Variants in MEG3 observed in about 807,000 individuals in gnomAD.
MEG3 encodes the protein Very putative protein from MEG3 locus.
Position 100,850,603 on chromosome 14 carries a change from C to CAAAA in MEG3, n.3121+5073_3121+5076dup, listed in dbSNP as rs778741543. On this transcript the variant is annotated intron_variant and non_coding_transcript_variant, in intron 3 of 3. Coordinates refer to the MEG3 transcript ENST00000398461. ...TACAGAGCAAGACACTATCTTAGAT[C>CAAAA]AAAAAAGAAAAAAAAAAAAAGAAGG... 1.6e-3 allele frequency: 152 copies of CAAAA among 97,968 alleles called. 1 individual carries two copies. The highest frequency in any genetic ancestry group is 6.4e-3 in the African/African-American group (141 of 22,004). The allele number at this position is 97,968 out of a possible 1,614,324, so 6.1% of individuals were successfully genotyped here. A position where few individuals can be genotyped will look rare whatever the true frequency, so the allele number is the denominator to read the frequency against.
chr14:100,834,850 AG>A, exon 1 of MEG3: 3 of 456,174 alleles, frequency 6.6e-6, no homozygotes, highest in Non-Finnish European at 1.3e-5. Flanking sequence ...TTCATTTTTG[AG>A]AGGTGTGTGA....
At chr14:100,859,654 C>A (rs976822195) in exon 1 of MEG3, 1 of 146,434 alleles carries the variant, frequency 6.8e-6, no homozygotes, top group African/African-American at 2.5e-5. Flanking sequence ...TCCAGAAAAC[C>A]GGGGGTGGAG....
chr14:100,854,014 A>G (rs1013543554), upstream of MEG3: 2 of 152,268 alleles, frequency 1.3e-5, no homozygotes, highest in African/African-American at 4.8e-5. Context: ...GATGGATAAG[A>G]GGGTGGAAGG....
At position 100,837,470 on chromosome 14, in the gene MEG3, C is replaced by A. The variant is rs1595271521; in HGVS notation, n.3045+1170C>A. ...ACCGTGGGGTGAGGCTGGCTCCATT[C>A]CCCCAGACATTTATGGAGGCTTGAG... On this transcript the variant is annotated intron_variant and non_coding_transcript_variant, in intron 2 of 3. Transcript: ENST00000398461. The surrounding 1 kb of genome is among the most constrained non-coding windows in gnomAD (Gnocchi z 5.8). Among the ~76,000 whole-genome samples, 1 of 152,098 alleles carries A rather than the reference C, an allele frequency of 6.6e-6. No homozygotes were observed. Among genetic ancestry groups the A allele is most frequent in the Non-Finnish European group, 1.5e-5 (1 of 68,010 alleles).
At chr14:100,844,124 C>T (rs143463297) in intron 2 of MEG3, among the ~76,000 whole-genome samples, 1 of 152,162 alleles carries the variant, frequency 6.6e-6, no homozygotes, top group Admixed American at 6.5e-5. Flanking sequence ...GAGCCACCCC[C>T]CTGGGGCTGG....
At chr14:100,838,017 AAC>A (rs2037640779) in intron 2 of MEG3, among the ~76,000 whole-genome samples, 1 of 152,102 alleles carries the variant, frequency 6.6e-6, no homozygotes, top group African/African-American at 2.4e-5. Context: ...GCCACCTGCA[AAC>A]ACAGTGATGT....
At chr14:100,827,708 G>C (rs1015441147) in intron 1 of MEG3, among the ~76,000 whole-genome samples, 23 of 152,216 alleles carry the variant, frequency 1.5e-4, no homozygotes, top group African/African-American at 4.8e-4. Context: ...GTTGATGCCT[G>C]GGGGCGAAGG....
At chr14:100,842,895 T>C (rs548683458) in intron 2 of MEG3, among the ~76,000 whole-genome samples, 2 of 152,326 alleles carry the variant, frequency 1.3e-5, no homozygotes, top group African/African-American at 4.8e-5. Context: ...CATCAAATGC[T>C]TGTGACAATT....
Position 100,845,677 on chromosome 14 carries a change from A to G in MEG3, n.3121+144A>G. The G allele has an allele frequency of 3.1e-6, 1 of 326,920 alleles. No homozygotes were observed. 20.3% of individuals were successfully genotyped at this position (326,920 alleles called of 1,614,324 possible). On this transcript the variant is annotated intron_variant and non_coding_transcript_variant, in intron 3 of 3. Coordinates refer to the MEG3 transcript ENST00000398461. This position sits in a 1 kb window ranked among gnomAD's most constrained non-coding sequence, Gnocchi z 5.2. ...TCTGTGCACCGGGAGGTGGGTGCCC[A>G]TCGAGTCAAGCCAAGTGCAGACCTG...
chr14:100,828,148 C>A (rs1217657737), intron 1 of MEG3, among the ~76,000 whole-genome samples: 1 of 152,000 alleles, frequency 6.6e-6, no homozygotes, highest in Non-Finnish European at 1.5e-5. Context: ...CTGTTGGGCA[C>A]CCCCTGTCCA....
At chr14:100,855,357 A>G (rs1211130943), upstream of MEG3, 1 of 151,856 alleles carries the variant, frequency 6.6e-6, no homozygotes, top group Non-Finnish European at 1.5e-5. Flanking sequence ...CCTTTCTTGT[A>G]GCTGCCTCCT....
At chr14:100,859,244 A>G (rs1323812399) in exon 1 of MEG3, 1 of 151,560 alleles carries the variant, frequency 6.6e-6, no homozygotes, top group African/African-American at 2.4e-5. Flanking sequence ...CTTGGCAAAG[A>G]CTCTTCGGAG....
upstream of MEG3, chr14:100,852,845 G>C (rs1264360715): frequency 1.1e-5 from 2 of 176,520 alleles, no homozygotes. Flanking sequence ...GGGTCACAGT[G>C]GGTCGAACTG....
chr14:100,836,202 A>G (rs1295484500), exon 2 of MEG3: 4 of 455,854 alleles, frequency 8.8e-6, no homozygotes, highest in African/African-American at 6.0e-5. Flanking sequence ...TCGGCTGAAG[A>G]ACTGCGGATG....
chr14:100,844,571 G>C (rs891903353), intron 2 of MEG3, among the ~76,000 whole-genome samples: 2 of 152,096 alleles, frequency 1.3e-5, no homozygotes, highest in African/African-American at 2.4e-5. Flanking sequence ...TCATTCACAC[G>C]TTGCCTCCGT....
chr14:100,836,015 C>T (rs746562177), intron 1 of MEG3: 25 of 349,708 alleles, frequency 7.1e-5, no homozygotes, highest in Non-Finnish European at 8.9e-5. Context: ...TGCTTTGCAC[C>T]TTTTCCTGTC....
At chr14:100,844,502 A>G (rs1254259402) in intron 2 of MEG3, among the ~76,000 whole-genome samples, 1 of 152,352 alleles carries the variant, frequency 6.6e-6, no homozygotes, top group East Asian at 1.9e-4. Flanking sequence ...TTCAGTTTAC[A>G]GAAACATTGG....
intron 2 of MEG3, among the ~76,000 whole-genome samples, chr14:100,841,753 T>G (rs1395254558): frequency 6.6e-6 from 1 of 152,198 alleles, no homozygotes; most frequent in South Asian, 2.1e-4. Context: ...GGGGCATTAT[T>G]CCAAACAGGC....
intron 2 of MEG3, among the ~76,000 whole-genome samples, chr14:100,839,430 A>G (rs931790152): frequency 6.6e-6 from 1 of 152,186 alleles, no homozygotes; most frequent in African/African-American, 2.4e-5. Context: ...GAGCAGATGG[A>G]AGAGTCTAGA....
Sources: gnomAD v4.1 joint callset for allele counts (sites outside exome capture counted in the v4.1 genomes callset) on GRCh38, gnomAD v4.1.1 for gene constraint, Gnocchi (gnomAD v3.1) non-coding constraint, MANE v1.5 for transcripts, NCBI Gene and HGNC (gene_info 2026-07-23, HGNC 2026-07-21) for gene names.